PCDHB5: variants seen among roughly 807,000 people sequenced by gnomAD.
The protein encoded by PCDHB5 is protocadherin beta-5.
For synonymous variants in PCDHB5, 569 were observed against 462.2 expected, an observed-to-expected ratio of 1.23 and a Z score of -2.96; for missense variants, 1,125 against 1,029.4, an observed-to-expected ratio of 1.09 and a Z score of -1.27.
Position 141,138,436 on chromosome 5 carries a change from A to G in PCDHB5, c.*614A>G, listed in dbSNP as rs1182403385. On this transcript the variant is annotated 3_prime_UTR_variant, in exon 1 of 1. Coordinates refer to ENST00000231134, the MANE Select transcript of PCDHB5 (RefSeq NM_015669.5). ...ACTCAATATATATTCACAAAGTAAC[A>G]TATTTATTACCAGCAGCTTGAAGAG... 3.3e-5 allele frequency: 5 copies of G among 152,252 alleles called. No homozygotes were observed. The highest frequency in any genetic ancestry group is 7.2e-5 in the African/African-American group (3 of 41,460). 9.4% of individuals were successfully genotyped at this position (152,252 alleles called of 1,614,324 possible).
In PCDHB5 at chr5:141,136,080, G is replaced by A. The variant is rs1554275808; in HGVS notation, c.646G>A (p.Asp216Asn). ...PELSLTLTAL[D>N]GGAPPRSGTT... ...GCTCAGCTTAACACTCACTGCACTG[G>A]ACGGTGGGGCTCCGCCCAGGTCCGG... The change falls in exon 1 of 1, where the codon GAC (aspartate) becomes AAC (asparagine). Residue 216 changes from aspartate to asparagine, a missense_variant. Transcript: ENST00000231134. The A allele has an allele frequency of 6.2e-7, 1 of 1,614,192 alleles. No homozygotes were observed. The highest frequency in any genetic ancestry group is 8.5e-7 in the Non-Finnish European group (1 of 1,179,986).
Position 141,137,064 on chromosome 5 carries a change from G to C in PCDHB5, c.1630G>C (p.Ala544Pro). ...CGGCTCCCCGGCGCTGAGCAGCGAG[G>C]CGCTGGTGCGCGTGCTGGTGCTGGA... ...DRGSPALSSE[A>P]LVRVLVLDAN... Residue 544 changes from alanine to proline, a missense_variant, in exon 1 of 1, where the codon GCG becomes CCG. Transcript: ENST00000231134. The C allele has an allele frequency of 6.2e-7, 1 of 1,611,712 alleles. No homozygotes were observed. The highest frequency in any genetic ancestry group is 8.5e-7 in the Non-Finnish European group (1 of 1,179,684).
In PCDHB5 at chr5:141,135,496, T is replaced by G; in HGVS notation, c.62T>G (p.Leu21Trp). ...KRQVMFLAIL[L>W]LLWEAGSEAV... ...CAAGTTATGTTTCTTGCTATATTGT[T>G]GCTTTTGTGGGAGGCTGGCTCTGAG... The change falls in exon 1 of 1, where the codon TTG (leucine) becomes TGG (tryptophan). Residue 21 changes from leucine (L) to tryptophan (W), a missense_variant. Leu to Trp is a moderately conservative substitution (Grantham distance 61). Transcript: ENST00000231134. 6.2e-7 allele frequency: 1 copy of G among 1,614,024 alleles called. No individual in the cohort carries two copies. Among genetic ancestry groups the G allele is most frequent in the Non-Finnish European group, 8.5e-7 (1 of 1,180,008 alleles).
rs782724954 is a variant in PCDHB5 at position 141,136,787 on chromosome 5, C to T, written c.1353C>T (p.Thr451=). 12 of 1,613,838 alleles carry T rather than the reference C, an allele frequency of 7.4e-6. No individual in the cohort carries two copies. In the East Asian group the frequency reaches 2.7e-4, roughly 36 times the overall value. ...SDVNDNAPAF[T]QTSYTLFVRE... ...TCAATGACAACGCCCCCGCCTTCAC[C>T]CAAACCTCCTACACCCTGTTCGTCC... Residue 451 remains threonine, a synonymous_variant, in exon 1 of 1, where the codon ACC becomes ACT. Transcript: ENST00000231134.
rs782731887 is a variant in PCDHB5, at chr5:141,136,717, C to T, written c.1283C>T (p.Pro428Leu). Residue 428 changes from proline to leucine, a missense_variant, in exon 1 of 1, where the codon CCC becomes CTC. Coordinates refer to ENST00000231134, the MANE Select transcript of PCDHB5 (RefSeq NM_015669.5). Reference protein sequence around the residue: ...ITITVTDMGTPRLKTEHNITV... With the variant: ...ITITVTDMGTLRLKTEHNITV... ...ATCACTGTCACCGACATGGGGACAC[C>T]CAGGCTGAAAACCGAGCACAACATA... is the stretch of plus-strand genomic sequence containing the variant. 1.2e-6 allele frequency: 2 copies of T among 1,614,096 alleles called. No individual in the cohort carries two copies. Among genetic ancestry groups the T allele is most frequent in the East Asian group, 2.2e-5 (1 of 44,876 alleles).
chr5:141,136,744 C>G lies in PCDHB5; in HGVS notation c.1310C>G (p.Thr437Arg), dbSNP rs781801829. ...TPRLKTEHNI[T>R]VLVSDVNDNA... ...AGGCTGAAAACCGAGCACAACATAA[C>G]GGTCCTGGTCTCCGACGTCAATGAC... is the stretch of plus-strand genomic sequence containing the variant. Residue 437 changes from threonine to arginine, a missense_variant, in exon 1 of 1, where the codon ACG (threonine) becomes AGG (arginine). Transcript: ENST00000231134. 3 of 1,614,158 alleles carry G rather than the reference C, an allele frequency of 1.9e-6. No individual in the cohort carries two copies. Among genetic ancestry groups the G allele is most frequent in the Admixed American group, 3.3e-5 (2 of 60,018 alleles).
rs1554275712 is a variant in PCDHB5 at position 141,135,622 on chromosome 5, G to C, written c.188G>C (p.Gly63Ala). The change falls in exon 1 of 1, where the codon GGC (glycine) becomes GCC (alanine). Residue 63 changes from glycine to alanine, a missense_variant. Gly to Ala is a moderately conservative substitution (Grantham distance 60). Coordinates refer to ENST00000231134, the MANE Select transcript of PCDHB5 (RefSeq NM_015669.5). The part of the protein sequence containing the change: ...GLGVGELATR[G>A]ARMHYKGNKE... Reference sequence around the variant, plus strand: ...GGGGTGGGGGAACTGGCCACTCGGGGCGCGCGAATGCATTACAAAGGAAAC... The same window carrying C: ...GGGGTGGGGGAACTGGCCACTCGGGCCGCGCGAATGCATTACAAAGGAAAC... 1 of 1,614,022 alleles carries C rather than the reference G, an allele frequency of 6.2e-7. No individual in the cohort carries two copies. Among genetic ancestry groups the C allele is most frequent in the African/African-American group, 1.3e-5 (1 of 74,904 alleles).
Position 141,137,518 on chromosome 5 carries a change from C to T in PCDHB5, c.2084C>T (p.Ser695Leu), listed in dbSNP as rs781860324. The T allele has an allele frequency of 4.3e-6, 7 of 1,612,402 alleles. No individual in the cohort carries two copies. Among genetic ancestry groups the T allele is most frequent in the East Asian group, 2.2e-5 (1 of 44,858 alleles). Residue 695 changes from serine to leucine, a missense_variant, in exon 1 of 1, where the codon TCG (serine) becomes TTG (leucine). Transcript: ENST00000231134. The stretch of plus-strand genomic sequence containing the variant: ...GTCTACCTGGTGGTGGCATTGGCCT[C>T]GGTGTCGTCGCTCTTCCTCTTTTCG... ...LTVYLVVALA[S>L]VSSLFLFSVL...
chr5:141,135,593 T>TCTTG lies in PCDHB5; in HGVS notation c.160_163dup (p.Gly55AlafsTer25), dbSNP rs781889079. 6.2e-6 allele frequency: 10 copies of TCTTG among 1,613,884 alleles called. No homozygotes were observed. The East Asian group carries it at 2.0e-4, about 32-fold the overall frequency. On this transcript the variant is annotated frameshift_variant, in exon 1 of 1. Coordinates refer to ENST00000231134, the MANE Select transcript of PCDHB5 (RefSeq NM_015669.5). LOFTEE classifies it low-confidence loss of function (END_TRUNC). ...TGGCCAACCTGGCAAAAGACCTGGGTCTTGGGGTGGGGGAACTGGCCACTC... is the reference window on the plus strand; with the variant it reads ...TGGCCAACCTGGCAAAAGACCTGGGTCTTGCTTGGGGTGGGGGAACTGGCCACTC...
At position 141,135,732 on chromosome 5, in the gene PCDHB5, G is replaced by A. The variant is rs1554275734; in HGVS notation, c.298G>A (p.Glu100Lys). The change falls in exon 1 of 1, where the codon GAA (glutamate) becomes AAA (lysine). Residue 100 changes from glutamate to lysine, a missense_variant. Physicochemically the swap from Glu to Lys is moderately conservative, Grantham distance 56. Transcript: ENST00000231134. ...LDREVMCGAT[E>K]PCILHFQLLL... ...CCGGGAGGTGATGTGCGGGGCGACA[G>A]AACCCTGTATATTGCATTTCCAGCT... 6.2e-7 allele frequency: 1 copy of A among 1,614,146 alleles called. No individual in the cohort carries two copies. Among genetic ancestry groups the A allele is most frequent in the Non-Finnish European group, 8.5e-7 (1 of 1,180,022 alleles).
chr5:141,137,430 T>A lies in PCDHB5; in HGVS notation c.1996T>A (p.Ser666Thr). The A allele has an allele frequency of 1.2e-6, 2 of 1,611,798 alleles. No individual in the cohort carries two copies. Among genetic ancestry groups the A allele is most frequent in the Non-Finnish European group, 1.7e-6 (2 of 1,179,566 alleles). ...GCACGTGCTCCTGGTGGACGGCTTCTCCCAGCCCTACCTGCCGCTGCCGGA... is the reference window on the plus strand; with the variant it reads ...GCACGTGCTCCTGGTGGACGGCTTCACCCAGCCCTACCTGCCGCTGCCGGA... ...TLHVLLVDGF[S>T]QPYLPLPEAA... Residue 666 changes from serine (S) to threonine (T), a missense_variant, in exon 1 of 1, where the codon TCC becomes ACC. Coordinates refer to ENST00000231134, the MANE Select transcript of PCDHB5 (RefSeq NM_015669.5).
chr5:141,135,316 G>A lies in PCDHB5; in HGVS notation c.-119G>A, dbSNP rs1169171839. 4 of 714,892 alleles carry A rather than the reference G, an allele frequency of 5.6e-6. No individual in the cohort carries two copies. The highest frequency in any genetic ancestry group is 7.0e-6 in the Non-Finnish European group (3 of 428,670). The allele number at this position is 714,892 out of a possible 1,614,324, so 44.3% of individuals were successfully genotyped here. A position where few individuals can be genotyped will look rare whatever the true frequency, so the allele number is the denominator to read the frequency against. ...TAAGATCTAGTGGCTAGATCTTCAG[G>A]GTGGGCTTCGTTCTTGTGGAAATCA... On this transcript the variant is annotated 5_prime_UTR_variant, in exon 1 of 1. Transcript: ENST00000231134.
chr5:141,137,400 A>T lies in PCDHB5; in HGVS notation c.1966A>T (p.Thr656Ser). 1 of 1,610,210 alleles carries T rather than the reference A, an allele frequency of 6.2e-7. No individual in the cohort carries two copies. Among genetic ancestry groups the T allele is most frequent in the Non-Finnish European group, 8.5e-7 (1 of 1,179,214 alleles). ...NGEPPRSATA[T>S]LHVLLVDGFS... is the part of the protein sequence containing the mutation. ...CGAGCCTCCGCGCTCGGCCACCGCC[A>T]CGCTGCACGTGCTCCTGGTGGACGG... Residue 656 changes from threonine to serine, a missense_variant, in exon 1 of 1, where the codon ACG (threonine) becomes TCG (serine). Coordinates refer to ENST00000231134, the MANE Select transcript of PCDHB5 (RefSeq NM_015669.5).
Position 141,136,916 on chromosome 5 carries a change from C to T in PCDHB5, c.1482C>T (p.Asn494=), listed in dbSNP as rs17849438. ...CCTACTCGCTGCTGCCGCCCCAGAA[C>T]CCACACCTGCGCCTCGCCTCCCTGG... The part of the protein sequence containing the change: ...QVTYSLLPPQ[N]PHLRLASLVS... The change falls in exon 1 of 1, where the codon AAC becomes AAT. Residue 494 remains asparagine, a synonymous_variant. Transcript: ENST00000231134. 7 of 1,612,538 alleles carry T rather than the reference C, an allele frequency of 4.3e-6. No homozygotes were observed. The African/African-American group carries it at 6.7e-5, about 15-fold the overall frequency.
chr5:141,137,095 A>T lies in PCDHB5; in HGVS notation c.1661A>T (p.Asn554Ile). 2 of 1,611,568 alleles carry T rather than the reference A, an allele frequency of 1.2e-6. No individual in the cohort carries two copies. The highest frequency in any genetic ancestry group is 1.7e-6 in the Non-Finnish European group (2 of 1,179,628). Residue 554 changes from asparagine to isoleucine, a missense_variant, in exon 1 of 1, where the codon AAC becomes ATC. Coordinates refer to ENST00000231134, the MANE Select transcript of PCDHB5 (RefSeq NM_015669.5). Reference protein sequence around the residue: ...ALVRVLVLDANDNSPFVLYPL... With the variant: ...ALVRVLVLDAIDNSPFVLYPL... ...GTGCGCGTGCTGGTGCTGGACGCCA[A>T]CGACAACTCGCCCTTCGTGCTGTAT...
chr5:141,138,016 G>T lies in PCDHB5; in HGVS notation c.*194G>T, dbSNP rs1752638809. ...TTATTTCATTGCATTTATTTACATA[G>T]TGTCATTCCAAATCCATGCATGCTG... On this transcript the variant is annotated 3_prime_UTR_variant, in exon 1 of 1. Coordinates refer to ENST00000231134, the MANE Select transcript of PCDHB5 (RefSeq NM_015669.5). 1.7e-6 allele frequency: 1 copy of T among 574,530 alleles called. No homozygotes were observed. The highest frequency in any genetic ancestry group is 3.0e-6 in the Non-Finnish European group (1 of 330,130). 35.6% of individuals were successfully genotyped at this position (574,530 alleles called of 1,614,324 possible). A position where few individuals can be genotyped will look rare whatever the true frequency, so the allele number is the denominator to read the frequency against.
chr5:141,137,212 G>A lies in PCDHB5; in HGVS notation c.1778G>A (p.Gly593Asp), dbSNP rs879950874. 3 of 1,611,024 alleles carry A rather than the reference G, an allele frequency of 1.9e-6. No individual in the cohort carries two copies. The highest frequency in any genetic ancestry group is 2.5e-6 in the Non-Finnish European group (3 of 1,179,636). ...GTGACCAAGGTGGTGGCGGTGGACG[G>A]TGACTCGGGCCAGAACGCCTGGCTG... ...YLVTKVVAVDGDSGQNAWLSY... is the reference protein window; with the variant it reads ...YLVTKVVAVDDDSGQNAWLSY... Residue 593 changes from glycine to aspartate, a missense_variant, in exon 1 of 1, where the codon GGT becomes GAT. Gly to Asp is a moderately conservative substitution (Grantham distance 94). Transcript: ENST00000231134.
rs1554276181 is a variant in PCDHB5, at chr5:141,137,358, C to T, written c.1924C>T (p.Leu642=). Residue 642 remains leucine (L), a synonymous_variant, in exon 1 of 1, where the codon CTG becomes TTG. Transcript: ENST00000231134. ...CGCGGCCAAGCACAGGCTGGTGGTG[C>T]TGGTCAAGGACAATGGCGAGCCTCC... ...RDAAKHRLVV[L]VKDNGEPPRS... The T allele has an allele frequency of 4.3e-6, 7 of 1,609,810 alleles. No individual in the cohort carries two copies. The South Asian group carries it at 7.7e-5, about 18-fold the overall frequency.
Position 141,136,659 on chromosome 5 carries a change from GA to G in PCDHB5, c.1226del (p.Asp409AlafsTer22), listed in dbSNP as rs1263496596. 1.9e-6 allele frequency: 3 copies of G among 1,613,952 alleles called. No individual in the cohort carries two copies. The African/African-American group carries it at 4.0e-5, about 22-fold the overall frequency. On this transcript the variant is annotated frameshift_variant, in exon 1 of 1. Transcript: ENST00000231134. LOFTEE classifies it low-confidence loss of function (END_TRUNC). ...CACCCTAGTGACACAGAGAACACTG[GA>G]CAGAGAGAGCCAAGCCGAGTACAAC... ...FYTLVTQRTL[D>X]RESQAEYNIT...
Sources: allele counts gnomAD v4.1 joint callset, GRCh38; gene constraint gnomAD v4.1.1; transcripts MANE v1.5; gene names NCBI Gene and HGNC (gene_info 2026-07-23, HGNC 2026-07-21).